ZER1: variants seen among roughly 807,000 people sequenced by gnomAD.
The protein encoded by ZER1 is protein zer-1 homolog.
In ZER1, 11 loss-of-function variants were observed where a neutral mutation model predicts 78.8. That is an observed-to-expected ratio of 0.14 (90% CI 0.09 to 0.23). The LOEUF (loss-of-function observed/expected upper bound fraction) is 0.23, where lower values mean the gene tolerates loss of function less well. ZER1 is among the 10% of genes least tolerant of loss of function. The pLI is 1.00. For synonymous variants in ZER1, 400 were observed against 407.0 expected (o/e 0.98, Z 0.21); for missense variants, 588 against 996.9 (o/e 0.59, Z 5.52).
rs1444271464 is a variant in ZER1, at chr9:128,742,565, G to T, written c.1540C>A (p.His514Asn). Residue 514 changes from histidine (H) to asparagine (N), a missense_variant, in exon 9 of 16, where the codon CAC becomes AAC. His to Asn is a moderately conservative substitution (Grantham distance 68). This residue lies in a region of ZER1 where 60 missense variants were observed against 163.3 expected (regional missense o/e 0.37). Transcript: ENST00000291900. The part of the protein sequence containing the change: ...NALVCQVDND[H>N]KEAVGKMGFV... Reference sequence around the variant, plus strand: ...CCCATCTTGCCCACGGCCTCCTTGTGGTCGTTGTCTACCTGGCAGACCAGG... The same window carrying T: ...CCCATCTTGCCCACGGCCTCCTTGTTGTCGTTGTCTACCTGGCAGACCAGG... The T allele has an allele frequency of 1.9e-6, 3 of 1,614,208 alleles. No individual in the cohort carries two copies. In the South Asian group the frequency reaches 3.3e-5, roughly 18 times the overall value.
chr9:128,731,437 T>TGGGGGTGTTGGGGGGGGGGGGTGGGGG, intron 15 of ZER1, 43 bp from the exon 16 acceptor site: 1 of 451,618 alleles, frequency 2.2e-6, no homozygotes, highest in Admixed American at 2.9e-5. Flanking sequence ...TGGGCTTGGG[T>TGGGGGTGTTGGGGGGGGGGGGTGGGGG]GGGGGTGAGC....
chr9:128,748,153 C>A (rs529679402), intron 8 of ZER1, among the ~76,000 whole-genome samples: 61 of 152,194 alleles, frequency 4.0e-4, no homozygotes, highest in African/African-American at 1.4e-3. Context: ...TGCCTATAAT[C>A]CCAGCACTTT....
At position 128,747,756 on chromosome 9, in the gene ZER1, C is replaced by T. The variant is rs376324759; in HGVS notation, c.1359+2860G>A. On this transcript the variant is annotated intron_variant, in intron 8 of 15. Transcript: ENST00000291900. ...AGCCTCCGGAGTGGAGTAGCTGGGACTACAGGCACCCGCCAGTATGCCCGG... is the reference window on the plus strand; with the variant it reads ...AGCCTCCGGAGTGGAGTAGCTGGGATTACAGGCACCCGCCAGTATGCCCGG... Among the ~76,000 whole-genome samples, 7 of 152,074 alleles carry T rather than the reference C, an allele frequency of 4.6e-5. No homozygotes were observed. The South Asian group carries it at 1.5e-3, about 32-fold the overall frequency.
rs1263965568 is a variant in ZER1, at chr9:128,754,193, C to A, written c.159-234G>T. 6.6e-6 allele frequency among the ~76,000 whole-genome samples: 1 copy of A among 152,206 alleles called. No individual in the cohort carries two copies. The highest frequency in any genetic ancestry group is 2.4e-5 in the African/African-American group (1 of 41,452). On this transcript the variant is annotated intron_variant, in intron 2 of 15. Transcript: ENST00000291900. This position sits in a 1 kb window ranked among gnomAD's most constrained non-coding sequence, Gnocchi z 4.3. Reference sequence around the variant, plus strand: ...ACCTTCTAGGTGATGCAGGCGCCATCTCTCCCAGTGCACATGCCTGTCACA... The same window carrying A: ...ACCTTCTAGGTGATGCAGGCGCCATATCTCCCAGTGCACATGCCTGTCACA...
At position 128,751,666 on chromosome 9, in the gene ZER1, G is replaced by T; in HGVS notation, c.924-139C>A. On this transcript the variant is annotated intron_variant, in intron 5 of 15. Transcript: ENST00000291900. This position sits in a 1 kb window ranked among gnomAD's most constrained non-coding sequence, Gnocchi z 5.4. ...TCCCCTACTCCTTTTGTTTTTAATG[G>T]TAGGGGACATAAGCACCACCTCCTG... is the stretch of plus-strand genomic sequence containing the variant. 1.5e-6 allele frequency: 1 copy of T among 684,764 alleles called. No individual in the cohort carries two copies. Among genetic ancestry groups the T allele is most frequent in the Non-Finnish European group, 2.5e-6 (1 of 400,684 alleles). 42.4% of individuals were successfully genotyped at this position (684,764 alleles called of 1,614,324 possible).
At chr9:128,765,743 A>AGG (rs1026673798) in intron 1 of ZER1, among the ~76,000 whole-genome samples, 1 of 152,214 alleles carries the variant, frequency 6.6e-6, no homozygotes, top group African/African-American at 2.4e-5. Flanking sequence ...CAGCAGATCA[A>AGG]GGGCCAGAGA....
chr9:128,752,476 A>G (rs1863711816), intron 5 of ZER1, among the ~76,000 whole-genome samples, 197 bp downstream of exon 5: 1 of 152,100 alleles, frequency 6.6e-6, no homozygotes, highest in Non-Finnish European at 1.5e-5. Context: ...GTCTGCCACC[A>G]TGTCCAGCTA....
rs556618779 is a variant in ZER1 at position 128,742,105 on chromosome 9, G to A, written c.1576-264C>T. 3.3e-5 allele frequency among the ~76,000 whole-genome samples: 5 copies of A among 152,352 alleles called. No homozygotes were observed. The East Asian group carries it at 9.7e-4, about 29-fold the overall frequency. On this transcript the variant is annotated intron_variant, in intron 9 of 15. Coordinates refer to ENST00000291900, the MANE Select transcript of ZER1 (RefSeq NM_006336.4). ...GGCACAGCCCTTCCCGCTGGGGCTT[G>A]AGCTTCGCTGCCATCAAATGAGACC... is the stretch of plus-strand genomic sequence containing the variant.
chr9:128,747,194 C>CA (rs983365614), intron 8 of ZER1, among the ~76,000 whole-genome samples: 1 of 149,368 alleles, frequency 6.7e-6, no homozygotes, highest in Non-Finnish European at 1.5e-5. Context: ...GACTCTGTCT[C>CA]AAAAAAAAAG....
At chr9:128,741,909 A>T in intron 9 of ZER1, 68 bp from the exon 10 acceptor site, 1 of 1,602,714 alleles carries the variant, frequency 6.2e-7, no homozygotes, top group Non-Finnish European at 8.5e-7. Context: ...CGAACCCAAG[A>T]TGGAGGGGAG....
rs1333218801 is a variant in ZER1, at chr9:128,740,395, TG to T, written c.1854-277del. The stretch of plus-strand genomic sequence containing the variant: ...GAGATCGAGACCATCCTGGCTAACA[TG>T]GTGAAACCCCATCTCTACTAAAAAT... On this transcript the variant is annotated intron_variant, in intron 12 of 15. Transcript: ENST00000291900. The surrounding 1 kb of genome is among the most constrained non-coding windows in gnomAD (Gnocchi z 4.4). 1.3e-5 allele frequency among the ~76,000 whole-genome samples: 2 copies of T among 151,860 alleles called. No homozygotes were observed. Among genetic ancestry groups the T allele is most frequent in the Non-Finnish European group, 2.9e-5 (2 of 67,928 alleles).
chr9:128,742,801 G>C (rs1178383970), intron 8 of ZER1, 56 bp from the exon 9 acceptor site: 5 of 1,528,574 alleles, frequency 3.3e-6, no homozygotes, highest in South Asian at 1.2e-5. Context: ...CAGGAGCAGG[G>C]CTCTAGGAAC....
rs1428728197 is a variant in ZER1, at chr9:128,732,712, C to A, written c.2243+714G>T. The A allele has an allele frequency of 6.6e-6, 1 of 152,204 alleles. No homozygotes were observed. The highest frequency in any genetic ancestry group is 6.6e-5 in the Admixed American group (1 of 15,266). The allele number at this position is 152,204 out of a possible 1,614,324, so 9.4% of individuals were successfully genotyped here. Reference sequence around the variant, plus strand: ...TAATAGCAGAACCAGCTGACACTTCCCTCCCCTGGCCCAGGAAGTGGCTGG... The same window carrying A: ...TAATAGCAGAACCAGCTGACACTTCACTCCCCTGGCCCAGGAAGTGGCTGG... On this transcript the variant is annotated intron_variant, in intron 15 of 15. Coordinates refer to ENST00000291900, the MANE Select transcript of ZER1 (RefSeq NM_006336.4). This position sits in a 1 kb window ranked among gnomAD's most constrained non-coding sequence, Gnocchi z 4.8.
intron 1 of ZER1, among the ~76,000 whole-genome samples, chr9:128,759,790 G>A (rs12238268): frequency 0.44 from 66,122 of 151,824 alleles, 17,352 homozygotes; most frequent in Non-Finnish European, 0.57. Flanking sequence ...GCGAGACTCC[G>A]TCTCAAAAAA....
Position 128,755,311 on chromosome 9 carries a change from C to T in ZER1, c.158+97G>A. The T allele has an allele frequency of 6.6e-7, 1 of 1,524,088 alleles. No homozygotes were observed. Among genetic ancestry groups the T allele is most frequent in the Non-Finnish European group, 9.0e-7 (1 of 1,112,710 alleles). The allele number at this position is 1,524,088 out of a possible 1,614,324, so 94.4% of individuals were successfully genotyped here. A position where few individuals can be genotyped will look rare whatever the true frequency, so the allele number is the denominator to read the frequency against. ...CACACACACCCTCACACATTCATCT[C>T]CATAGCTACTCCCCACATAGTGCAC... On this transcript the variant is annotated intron_variant, in intron 2 of 15. Transcript: ENST00000291900. This position sits in a 1 kb window ranked among gnomAD's most constrained non-coding sequence, Gnocchi z 5.6.
At chr9:128,772,148 G>A (rs1460789772), upstream of ZER1, among the ~76,000 whole-genome samples, 3 of 152,264 alleles carry the variant, frequency 2.0e-5, no homozygotes, top group Non-Finnish European at 4.4e-5. Flanking sequence ...GCCTCCGAGG[G>A]GCCTGTTCGT....
At chr9:128,739,866 G>A in intron 13 of ZER1, 65 bp downstream of exon 13, 5 of 1,544,694 alleles carry the variant, frequency 3.2e-6, no homozygotes, top group African/African-American at 1.4e-5. Flanking sequence ...TTAATGGTAT[G>A]AGCATCCTGC....
intron 8 of ZER1, among the ~76,000 whole-genome samples, chr9:128,749,842 G>A (rs971280006): frequency 1.4e-4 from 21 of 152,056 alleles, no homozygotes; most frequent in Non-Finnish European, 2.4e-4. Flanking sequence ...TCAGGAGTTC[G>A]AGACCAGCCT....
chr9:128,755,409 C>T lies in ZER1; in HGVS notation c.157G>A (p.Glu53Lys), dbSNP rs558217802. 6.2e-7 allele frequency: 1 copy of T among 1,614,076 alleles called. No homozygotes were observed. Among genetic ancestry groups the T allele is most frequent in the South Asian group, 1.1e-5 (1 of 91,068 alleles). The change falls in exon 2 of 16, where the codon GAG becomes AAG. Residue 53 changes from glutamate to lysine, a missense_variant and splice_region_variant. Coordinates refer to ENST00000291900, the MANE Select transcript of ZER1 (RefSeq NM_006336.4). The surrounding 1 kb of genome is among the most constrained non-coding windows in gnomAD (Gnocchi z 5.6). ...PSEICDRLVN[E>K]YVELVNAACN... ...CTCCTCAGCCCTGGGTCTGCTCACT[C>T]ATTGACGAGCCGGTCACAGATCTCG...
Sources: gnomAD v4.1 joint callset for allele counts (sites outside exome capture counted in the v4.1 genomes callset) on GRCh38, gnomAD v4.1.1 for gene constraint, gnomAD v4.1.1 regional missense constraint, Gnocchi (gnomAD v3.1) non-coding constraint, MANE v1.5 for transcripts, NCBI Gene and HGNC (gene_info 2026-07-23, HGNC 2026-07-21) for gene names.